Variants in IQCJ observed in about 807,000 individuals in gnomAD.
IQCJ encodes IQ motif containing J, also known as IQ domain-containing protein J.
A neutral mutation model predicts 11.0 loss-of-function variants in IQCJ; 9 were observed. That is an observed-to-expected ratio of 0.82 (90% CI 0.49 to 1.43). The LOEUF (loss-of-function observed/expected upper bound fraction) is 1.43. Among genes scored for constraint, IQCJ ranks in the 40% most tolerant of loss-of-function variants. IQCJ has a pLI of 0.00. For synonymous variants in IQCJ, 55 were observed against 51.3 expected (o/e 1.07, Z -0.31); for missense variants, 146 against 133.2 (o/e 1.10, Z -0.47).
chr3:159,184,766 C>A (rs1011927887), intron 1 of IQCJ, among the ~76,000 whole-genome samples: 2 of 152,090 alleles, frequency 1.3e-5, no homozygotes, highest in Non-Finnish European at 2.9e-5. Context: ...GTATATTGAT[C>A]CAGTTTCTGT....
At chr3:159,167,822 T>A (rs532656707) in intron 1 of IQCJ, among the ~76,000 whole-genome samples, 1 of 152,306 alleles carries the variant, frequency 6.6e-6, no homozygotes, top group African/African-American at 2.4e-5. Flanking sequence ...TTGCCTTTGC[T>A]GTGAAGGTAA....
intron 1 of IQCJ, among the ~76,000 whole-genome samples, chr3:159,154,300 C>T (rs1368369187): frequency 6.6e-6 from 1 of 152,116 alleles, no homozygotes; most frequent in African/African-American, 2.4e-5. Context: ...TAGGCATGGA[C>T]ACAGAATGAT....
intron 1 of IQCJ, among the ~76,000 whole-genome samples, chr3:159,201,511 C>CTGTGTGTG (rs59855853): frequency 6.7e-6 from 1 of 149,098 alleles, no homozygotes; most frequent in Non-Finnish European, 1.5e-5. Flanking sequence ...TTGTGTATCT[C>CTGTGTGTG]TGTGTGTGTG....
At chr3:159,132,646 C>T (rs1720055517) in intron 1 of IQCJ, among the ~76,000 whole-genome samples, 1 of 152,174 alleles carries the variant, frequency 6.6e-6, no homozygotes, top group Non-Finnish European at 1.5e-5. Context: ...CAATCGATTC[C>T]TCTTACTAAC....
intron 1 of IQCJ, among the ~76,000 whole-genome samples, chr3:159,122,237 C>T (rs1396891090): frequency 1.3e-5 from 2 of 152,152 alleles, no homozygotes; most frequent in Admixed American, 1.3e-4. Context: ...GGCCTCACAT[C>T]CCAATACCAT....
rs1232608703 is a variant in IQCJ at position 159,091,662 on chromosome 3, A to ACG, written c.9+22222_9+22223insGC. ...AAGGGGTATTTACACACACACACAC[A>ACG]CACACACGCATGCACACACACACAC... On this transcript the variant is annotated intron_variant, in intron 1 of 3. Coordinates refer to ENST00000397832, the MANE Select transcript of IQCJ (RefSeq NM_001042706.3). Among the ~76,000 whole-genome samples, 61 of 53,440 alleles carry ACG rather than the reference A, an allele frequency of 1.1e-3. 2 individuals are homozygous for ACG. Among genetic ancestry groups the ACG allele is most frequent in the African/African-American group, 3.6e-3 (53 of 14,748 alleles). The allele number at this position is 53,440 out of a possible 152,430, so 35.1% of individuals were successfully genotyped here. A position where few individuals can be genotyped will look rare whatever the true frequency, so the allele number is the denominator to read the frequency against.
chr3:159,094,600 G>T (rs996062427), intron 1 of IQCJ, among the ~76,000 whole-genome samples: 4 of 151,578 alleles, frequency 2.6e-5, no homozygotes, highest in African/African-American at 7.3e-5. Flanking sequence ...CTACAAAATG[G>T]AGAGAGCCAA....
intron 1 of IQCJ, among the ~76,000 whole-genome samples, chr3:159,128,373 A>G (rs1719794065): frequency 6.6e-6 from 1 of 152,202 alleles, no homozygotes; most frequent in South Asian, 2.1e-4. Context: ...CAGACTGGCT[A>G]TGTCATTTCA....
At chr3:159,223,710 T>C (rs1725684294) in intron 1 of IQCJ, among the ~76,000 whole-genome samples, 1 of 152,166 alleles carries the variant, frequency 6.6e-6, no homozygotes, top group African/African-American at 2.4e-5. Context: ...ATGTTGAGTA[T>C]CTGTAATCTG....
intron 1 of IQCJ, among the ~76,000 whole-genome samples, chr3:159,130,917 C>A (rs972813237): frequency 6.6e-6 from 1 of 152,204 alleles, no homozygotes; most frequent in African/African-American, 2.4e-5. Flanking sequence ...TATCACCTAT[C>A]TTTCAGAAGA....
intron 1 of IQCJ, among the ~76,000 whole-genome samples, chr3:159,143,934 G>A (rs913761221): frequency 6.6e-6 from 1 of 152,140 alleles, no homozygotes; most frequent in Non-Finnish European, 1.5e-5. Context: ...ATGGCATTTG[G>A]GATGCTGTAT....
intron 1 of IQCJ, among the ~76,000 whole-genome samples, chr3:159,221,213 G>C (rs1725520366): frequency 6.6e-6 from 1 of 152,096 alleles, no homozygotes; most frequent in East Asian, 1.9e-4. Flanking sequence ...TGTGATCCTA[G>C]ACAAGTGCTT....
intron 1 of IQCJ, among the ~76,000 whole-genome samples, chr3:159,150,583 A>AACACACACACACACACACACACAC (rs373030886): frequency 2.1e-5 from 3 of 146,094 alleles, no homozygotes; most frequent in African/African-American, 7.7e-5. Context: ...CATTGTCCCC[A>AACACACACACACACACACACACAC]ACACACACAC....
chr3:159,197,455 A>G (rs528257291), intron 1 of IQCJ, among the ~76,000 whole-genome samples: 51 of 152,320 alleles, frequency 3.3e-4, no homozygotes, highest in African/African-American at 1.2e-3. Context: ...GCTGGCTGAA[A>G]CACAGGTCTG....
rs547563486 is a variant in IQCJ at position 159,246,204 on chromosome 3, A to G, written c.74+297A>G. ...CTGTCTTAGTCTTTTAATCAGGGAC[A>G]TTTGTAGAAGGCAGGCATAAAATTT... On this transcript the variant is annotated intron_variant, in intron 2 of 3. Transcript: ENST00000397832. 4.3e-4 allele frequency among the ~76,000 whole-genome samples: 65 copies of G among 152,332 alleles called. 1 individual carries two copies. Among genetic ancestry groups the G allele is most frequent in the African/African-American group, 1.3e-3 (56 of 41,576 alleles).
chr3:159,160,158 G>A (rs1008495214), intron 1 of IQCJ, among the ~76,000 whole-genome samples: 12 of 152,044 alleles, frequency 7.9e-5, no homozygotes, highest in African/African-American at 1.4e-4. Context: ...ACTGAGGTTC[G>A]GCAAAACTTA....
intron 1 of IQCJ, among the ~76,000 whole-genome samples, chr3:159,141,555 T>C (rs1720605425): frequency 6.6e-6 from 1 of 152,224 alleles, no homozygotes; most frequent in Non-Finnish European, 1.5e-5. Context: ...ACATCATTTA[T>C]AATACAGTCC....
rs569200344 is a variant in IQCJ, at chr3:159,198,989, T to G, written c.10-46854T>G. ...AAGGATTAGACCCTTTAAGAAATATTCACTTAGAATATTCAAAGAAATGTG... is the reference window on the plus strand; with the variant it reads ...AAGGATTAGACCCTTTAAGAAATATGCACTTAGAATATTCAAAGAAATGTG... On this transcript the variant is annotated intron_variant, in intron 1 of 3. Transcript: ENST00000397832. Among the ~76,000 whole-genome samples, 27 of 152,292 alleles carry G rather than the reference T, an allele frequency of 1.8e-4. No homozygotes were observed. The South Asian group carries it at 5.6e-3, about 32-fold the overall frequency.
chr3:159,143,091 G>A (rs1298140593), intron 1 of IQCJ, among the ~76,000 whole-genome samples: 3 of 152,126 alleles, frequency 2.0e-5, no homozygotes, highest in East Asian at 1.9e-4. Context: ...AGTCATATCC[G>A]TACATCAGCT....
Sources: gnomAD v4.1 joint callset for allele counts (sites outside exome capture counted in the v4.1 genomes callset) on GRCh38, gnomAD v4.1.1 for gene constraint, MANE v1.5 for transcripts, NCBI Gene and HGNC (gene_info 2026-07-23, HGNC 2026-07-21) for gene names.